USP22: variants seen among roughly 807,000 people sequenced by gnomAD.
USP22 encodes ubiquitin carboxyl-terminal hydrolase 22.
Under a neutral mutation model 68.1 loss-of-function variants are expected in USP22, and 22 were observed. The observed-to-expected ratio is 0.32, with a 90% CI of 0.23 to 0.46. The LOEUF (loss-of-function observed/expected upper bound fraction) is 0.46, where lower values mean the gene tolerates loss of function less well. Among genes scored for constraint, USP22 ranks in the 20% least tolerant of loss-of-function variants. USP22 has a pLI of 1.00. For missense variants in USP22, 433 were observed against 695.8 expected (o/e 0.62, Z 4.25); for synonymous variants, 279 against 274.2 (o/e 1.02, Z -0.17).
At chr17:21,003,848 T>C (rs373711702) in intron 12 of USP22, among the ~76,000 whole-genome samples, 6 of 146,064 alleles carry the variant, frequency 4.1e-5, no homozygotes, top group African/African-American at 1.6e-4. Flanking sequence ...TGCAGTGAGC[T>C]GAGATCATGC....
At chr17:21,035,749 G>C (rs569639965) in intron 1 of USP22, among the ~76,000 whole-genome samples, 113 of 151,988 alleles carry the variant, frequency 7.4e-4, no homozygotes, top group South Asian at 1.5e-3. Context: ...ATGAACTTTC[G>C]GCTGGGCGCG....
At chr17:21,033,176 GT>G (rs1348620335) in intron 1 of USP22, among the ~76,000 whole-genome samples, 1 of 152,084 alleles carries the variant, frequency 6.6e-6, no homozygotes, top group African/African-American at 2.4e-5. Flanking sequence ...AGGCTGGCGG[GT>G]TTTCCTAGAA....
chr17:21,040,050 C>G (rs557263136), intron 1 of USP22, among the ~76,000 whole-genome samples: 1 of 152,254 alleles, frequency 6.6e-6, no homozygotes, highest in South Asian at 2.1e-4. Flanking sequence ...ATTAGCCGGT[C>G]GTGGTGACAC....
At chr17:21,042,529 GAAGGA>G (rs1157787397) in intron 1 of USP22, 131 bp downstream of exon 1, 1 of 837,068 alleles carries the variant, frequency 1.2e-6, no homozygotes, top group East Asian at 3.4e-5. Flanking sequence ...AGAGAGGGCA[GAAGGA>G]GAGAGGAAGA....
intron 3 of USP22, among the ~76,000 whole-genome samples, chr17:21,020,355 A>T (rs1972141663): frequency 6.6e-6 from 1 of 152,122 alleles, no homozygotes; most frequent in African/African-American, 2.4e-5. Context: ...TGTAGCCAAT[A>T]ACCAGTGTGT....
intron 1 of USP22, among the ~76,000 whole-genome samples, chr17:21,038,936 T>C (rs1401908295): frequency 6.6e-6 from 1 of 152,064 alleles, no homozygotes; most frequent in Non-Finnish European, 1.5e-5. Flanking sequence ...GTCGTGCCAG[T>C]CCTAAATCAT....
At chr17:21,029,553 C>T (rs965832365) in intron 1 of USP22, among the ~76,000 whole-genome samples, 1 of 152,094 alleles carries the variant, frequency 6.6e-6, no homozygotes, top group Non-Finnish European at 1.5e-5. Flanking sequence ...CTAATTCAGG[C>T]AAGAATCATC....
intron 12 of USP22, among the ~76,000 whole-genome samples, chr17:21,003,659 T>C (rs1913672605): frequency 6.6e-6 from 1 of 152,100 alleles, no homozygotes; most frequent in Non-Finnish European, 1.5e-5. Context: ...TCTAACACTT[T>C]GGGAGGCCAA....
Position 21,000,645 on chromosome 17 carries a change from A to C in USP22, c.*2386T>G, listed in dbSNP as rs1457064241. The stretch of plus-strand genomic sequence containing the variant: ...TGCCAGAAAGCCTTCTGCACTCCGC[A>C]AGACACCCCAGTAAACTGGGGCGTC... On this transcript the variant is annotated 3_prime_UTR_variant, in exon 13 of 13. Coordinates refer to ENST00000261497, the MANE Select transcript of USP22 (RefSeq NM_015276.2). 6.7e-6 allele frequency: 1 copy of C among 148,656 alleles called. No individual in the cohort carries two copies. The highest frequency in any genetic ancestry group is 1.5e-5 in the Non-Finnish European group (1 of 66,270). 9.2% of individuals were successfully genotyped at this position (148,656 alleles called of 1,614,324 possible).
At chr17:21,008,586 C>T (rs908408228) in intron 8 of USP22, among the ~76,000 whole-genome samples, 8 of 152,062 alleles carry the variant, frequency 5.3e-5, no homozygotes, top group African/African-American at 1.7e-4. Flanking sequence ...TGCAGGAGTC[C>T]AGGGTGACTG....
At chr17:21,025,341 A>G (rs1031781588) in intron 2 of USP22, among the ~76,000 whole-genome samples, 1 of 152,212 alleles carries the variant, frequency 6.6e-6, no homozygotes, top group Non-Finnish European at 1.5e-5. Context: ...ATTTCACACT[A>G]TTATGGGTAT....
chr17:21,006,812 C>A, intron 10 of USP22, 84 bp downstream of exon 10: 1 of 1,210,468 alleles, frequency 8.3e-7, no homozygotes, highest in South Asian at 1.7e-5. Context: ...CAACAGTCAT[C>A]TTAATAGGAG....
chr17:21,042,855 C>T lies in USP22; in HGVS notation c.-20G>A. 1 of 1,253,304 alleles carries T rather than the reference C, an allele frequency of 8.0e-7. No individual in the cohort carries two copies. Among genetic ancestry groups the T allele is most frequent in the African/African-American group, 1.6e-5 (1 of 64,320 alleles). The allele number at this position is 1,253,304 out of a possible 1,614,324, so 77.6% of individuals were successfully genotyped here. A position where few individuals can be genotyped will look rare whatever the true frequency, so the allele number is the denominator to read the frequency against. ...CACCATGGGGGGCAAGGCCCGGCCG[C>T]GCGCGGGGGGCGGCGGCGAGGGAGG... On this transcript the variant is annotated 5_prime_UTR_variant, in exon 1 of 13. Coordinates refer to ENST00000261497, the MANE Select transcript of USP22 (RefSeq NM_015276.2).
intron 2 of USP22, among the ~76,000 whole-genome samples, chr17:21,023,343 A>G (rs573420609): frequency 2.6e-5 from 4 of 152,200 alleles, no homozygotes; most frequent in South Asian, 2.1e-4. Context: ...AATAAAAGTT[A>G]AAATATTTTT....
rs187578363 is a variant in USP22 at position 21,037,247 on chromosome 17, C to G, written c.171+5418G>C. Among the ~76,000 whole-genome samples, 7 of 152,254 alleles carry G rather than the reference C, an allele frequency of 4.6e-5. No homozygotes were observed. The East Asian group carries it at 1.3e-3, about 29-fold the overall frequency. ...AGCAAATCTTCCATACATAAACGTT[C>G]CAAATAATTTAAGTAGCTACTCCAT... On this transcript the variant is annotated intron_variant, in intron 1 of 12. Transcript: ENST00000261497.
In USP22 at chr17:21,007,831, C is replaced by CT. The variant is rs1246818229; in HGVS notation, c.1230+38dup. ...TGAGGACCGTACTGTGGACTAAAAA[C>CT]TAAGTCTGCCATTAGAGTTGGCTTT... On this transcript the variant is annotated intron_variant, in intron 9 of 12. Transcript: ENST00000261497. The CT allele has an allele frequency of 1.9e-6, 3 of 1,613,654 alleles. No individual in the cohort carries two copies. The African/African-American group carries it at 4.0e-5, about 22-fold the overall frequency.
intron 1 of USP22, among the ~76,000 whole-genome samples, chr17:21,032,153 G>A (rs537698551): frequency 1.6e-5 from 2 of 128,680 alleles, no homozygotes; most frequent in South Asian, 2.1e-4. Context: ...TGTTCAGTAC[G>A]GTACGTGCTG....
At chr17:21,003,552 C>CA (rs1447196708) in intron 12 of USP22, among the ~76,000 whole-genome samples, 1 of 152,166 alleles carries the variant, frequency 6.6e-6, no homozygotes, top group Non-Finnish European at 1.5e-5. Context: ...CCTGGAGGGT[C>CA]AACAGGTTTC....
chr17:21,041,387 C>G (rs542136850), intron 1 of USP22, among the ~76,000 whole-genome samples: 2 of 151,986 alleles, frequency 1.3e-5, no homozygotes, highest in South Asian at 4.2e-4. Flanking sequence ...CACCTGAGAT[C>G]AGGAGTTCCA....
Sources: allele counts gnomAD v4.1 joint callset (sites outside exome capture counted in the v4.1 genomes callset), GRCh38; gene constraint gnomAD v4.1.1; transcripts MANE v1.5; gene names NCBI Gene and HGNC (gene_info 2026-07-23, HGNC 2026-07-21).